ZFAND3: variants seen among roughly 807,000 people sequenced by gnomAD.
ZFAND3 encodes AN1-type zinc finger protein 3.
ZFAND3 carries 10 observed loss-of-function variants against 29.6 expected under a neutral mutation model. The observed-to-expected ratio is 0.34, with a 90% CI of 0.21 to 0.57. The LOEUF is 0.57. ZFAND3 is among the 20% of genes least tolerant of loss of function. The probability of loss-of-function intolerance (pLI) is 0.86; values close to 1 mark genes in which losing one functional copy is unlikely to be tolerated. For missense variants in ZFAND3, 230 were observed against 304.5 expected (o/e 0.76, Z 1.82); for synonymous variants, 128 against 112.6 (o/e 1.14, Z -0.87).
intron 3 of ZFAND3, among the ~76,000 whole-genome samples, chr6:38,072,357 AT>A (rs1381758042): frequency 6.6e-6 from 1 of 152,200 alleles, no homozygotes; most frequent in Non-Finnish European, 1.5e-5. Flanking sequence ...TTCCCAAAAG[AT>A]TACCTCAGTC....
In ZFAND3 at chr6:37,972,623, TA is replaced by T. The variant is rs543300283; in HGVS notation, c.112+42625del. ...TATTATTTTATTTGAATGAGATTAT[TA>T]GCAGATTGATAGTTGGACCAGGTGC... On this transcript the variant is annotated intron_variant, in intron 2 of 5. Transcript: ENST00000287218. 5.8e-4 allele frequency among the ~76,000 whole-genome samples: 88 copies of T among 152,304 alleles called. 1 individual carries two copies. Among genetic ancestry groups the T allele is most frequent in the Admixed American group, 4.9e-3 (75 of 15,296 alleles).
intron 2 of ZFAND3, among the ~76,000 whole-genome samples, chr6:37,971,282 A>G (rs1390292049): frequency 6.6e-6 from 1 of 152,146 alleles, no homozygotes; most frequent in East Asian, 1.9e-4. Flanking sequence ...TATATACTGA[A>G]CGCATTTTTA....
rs576176820 is a variant in ZFAND3, at chr6:37,855,172, T to C, written c.71+35156T>C. ...TTTTTTTTTTTTTTTTGAGACAGAG[T>C]CTCACTCTGTTGCCCAGGCTGGAGT... is the stretch of plus-strand genomic sequence containing the variant. On this transcript the variant is annotated intron_variant, in intron 1 of 5. Transcript: ENST00000287218. Among the ~76,000 whole-genome samples the C allele has an allele frequency of 2.7e-5, 4 of 148,348 alleles. No homozygotes were observed. The South Asian group carries it at 8.6e-4, about 32-fold the overall frequency.
chr6:38,046,358 A>C (rs555243469), intron 2 of ZFAND3, among the ~76,000 whole-genome samples: 1 of 152,344 alleles, frequency 6.6e-6, no homozygotes, highest in African/African-American at 2.4e-5. Context: ...TTTGAAAGAT[A>C]ATTTCAGAAT....
chr6:38,121,003 A>G (rs1276142637), intron 5 of ZFAND3, among the ~76,000 whole-genome samples: 2 of 152,104 alleles, frequency 1.3e-5, no homozygotes, highest in East Asian at 3.9e-4. Flanking sequence ...TTTTATGGGG[A>G]ATATAGGAGC....
At chr6:37,849,306 CTTT>C (rs1764239534) in intron 1 of ZFAND3, among the ~76,000 whole-genome samples, 2 of 152,116 alleles carry the variant, frequency 1.3e-5, no homozygotes, top group African/African-American at 4.8e-5. Flanking sequence ...CTCTCTTCTT[CTTT>C]GGGCTATGGG....
At chr6:37,893,160 ATC>A (rs1374031677) in intron 1 of ZFAND3, among the ~76,000 whole-genome samples, 4 of 152,214 alleles carry the variant, frequency 2.6e-5, no homozygotes, top group African/African-American at 9.7e-5. Flanking sequence ...ACATTCCAAT[ATC>A]TCTTATGAAT....
chr6:38,094,291 A>G (rs1764930177), intron 4 of ZFAND3, among the ~76,000 whole-genome samples: 1 of 152,158 alleles, frequency 6.6e-6, no homozygotes, highest in South Asian at 2.1e-4. Flanking sequence ...TAGTGGGCCA[A>G]AGTAACACTT....
chr6:38,021,239 G>C (rs68148876), intron 2 of ZFAND3, among the ~76,000 whole-genome samples: 9,992 of 152,240 alleles, frequency 0.066, 408 homozygotes, highest in Non-Finnish European at 0.094. Flanking sequence ...CATTATCCCA[G>C]CTGCCGCGAT....
At chr6:37,992,674 GAA>G (rs1762779380) in intron 2 of ZFAND3, among the ~76,000 whole-genome samples, 3 of 152,044 alleles carry the variant, frequency 2.0e-5, no homozygotes, top group Non-Finnish European at 4.4e-5. Flanking sequence ...CCATAAAATT[GAA>G]TATACAGCCC....
chr6:38,094,817 C>G (rs1025510591), intron 4 of ZFAND3, among the ~76,000 whole-genome samples: 3 of 152,118 alleles, frequency 2.0e-5, no homozygotes, highest in African/African-American at 7.2e-5. Context: ...TTTATCCAAA[C>G]TGCTGGGGTC....
intron 5 of ZFAND3, among the ~76,000 whole-genome samples, chr6:38,144,193 A>ATAT: frequency 2.5e-5 from 1 of 40,418 alleles, no homozygotes; most frequent in African/African-American, 1.5e-4. Context: ...TAATATATAT[A>ATAT]TATATATATA....
At chr6:38,037,776 G>A (rs1763688148) in intron 2 of ZFAND3, among the ~76,000 whole-genome samples, 1 of 152,168 alleles carries the variant, frequency 6.6e-6, no homozygotes, top group Non-Finnish European at 1.5e-5. Context: ...GGGCGTGTAG[G>A]TTATGCGCTG....
At chr6:38,068,891 A>G (rs1417146681) in intron 3 of ZFAND3, among the ~76,000 whole-genome samples, 1 of 152,208 alleles carries the variant, frequency 6.6e-6, no homozygotes, top group African/African-American at 2.4e-5. Flanking sequence ...TTGGTTGAAC[A>G]CAGATTTCCA....
chr6:37,896,513 C>CTTTTCT (rs1554153794), intron 1 of ZFAND3, among the ~76,000 whole-genome samples: 2 of 89,424 alleles, frequency 2.2e-5, no homozygotes, highest in East Asian at 3.1e-4. Flanking sequence ...TTTCCTCTTT[C>CTTTTCT]TTTTCTTTCT....
At chr6:37,980,991 T>G (rs1306211317) in intron 2 of ZFAND3, among the ~76,000 whole-genome samples, 1 of 152,176 alleles carries the variant, frequency 6.6e-6, no homozygotes, top group East Asian at 1.9e-4. Flanking sequence ...TTTGTTCTTG[T>G]GCACAAAAAA....
intron 1 of ZFAND3, among the ~76,000 whole-genome samples, chr6:37,826,681 A>C (rs1763766625): frequency 6.6e-6 from 1 of 151,838 alleles, no homozygotes; most frequent in East Asian, 1.9e-4. Flanking sequence ...TGAATCCAGG[A>C]GGCAGAGATT....
chr6:37,986,008 C>T (rs1275751088), intron 2 of ZFAND3, among the ~76,000 whole-genome samples: 1 of 152,186 alleles, frequency 6.6e-6, no homozygotes, highest in South Asian at 2.1e-4. Flanking sequence ...ATAACCAGCT[C>T]TCTCAGGGAC....
At chr6:37,882,099 G>T (rs1307288884) in intron 1 of ZFAND3, among the ~76,000 whole-genome samples, 2 of 152,106 alleles carry the variant, frequency 1.3e-5, no homozygotes, top group African/African-American at 4.8e-5. Flanking sequence ...CTGACATTAG[G>T]GTCCTTTTCA....
Sources: allele counts gnomAD v4.1 joint callset (sites outside exome capture counted in the v4.1 genomes callset), GRCh38; gene constraint gnomAD v4.1.1; transcripts MANE v1.5; gene names NCBI Gene and HGNC (gene_info 2026-07-23, HGNC 2026-07-21).